Variants in MRPL37 observed in about 807,000 individuals in gnomAD.
The protein encoded by MRPL37 is large ribosomal subunit protein mL37.
A neutral mutation model predicts 44.1 loss-of-function variants in MRPL37; 34 were observed. That is an observed-to-expected ratio of 0.77 (90% CI 0.59 to 1.03). The LOEUF is 1.03. Ranked by LOEUF, MRPL37 falls within the 50% of genes least tolerant of loss-of-function variation. The pLI is 0.00. For synonymous variants in MRPL37, 212 were observed against 219.5 expected (o/e 0.97, Z 0.30); for missense variants, 532 against 543.7 (o/e 0.98, Z 0.21).
At chr1:54,219,489 C>A (rs1456992352), downstream of MRPL37, among the ~76,000 whole-genome samples, 1 of 152,186 alleles carries the variant, frequency 6.6e-6, no homozygotes, top group Non-Finnish European at 1.5e-5. Flanking sequence ...AGTGGGGAGG[C>A]CGGAGGCTTG....
In MRPL37 at chr1:54,218,351, G is replaced by C; in HGVS notation, c.*102G>C. ...AGTGCCCGTTTGGCCTGCTGCTCTC[G>C]CTGACAATAAAGAGCCCTTGCGTTG... On this transcript the variant is annotated 3_prime_UTR_variant, in exon 7 of 7. Coordinates refer to ENST00000360840, the MANE Select transcript of MRPL37 (RefSeq NM_016491.4). The C allele has an allele frequency of 6.3e-7, 1 of 1,590,144 alleles. No individual in the cohort carries two copies. Among genetic ancestry groups the C allele is most frequent in the Non-Finnish European group, 8.5e-7 (1 of 1,171,504 alleles).
At chr1:54,206,741 CT>C (rs1173804383) in intron 3 of MRPL37, among the ~76,000 whole-genome samples, 210 of 142,042 alleles carry the variant, frequency 1.5e-3, no homozygotes, top group Admixed American at 1.4e-3. Context: ...CTTTTCTTTT[CT>C]TTTTTTTTTT....
At chr1:54,200,712 G>A in intron 1 of MRPL37, 123 bp downstream of exon 1, 1 of 1,086,840 alleles carries the variant, frequency 9.2e-7, no homozygotes, top group Non-Finnish European at 1.3e-6. Flanking sequence ...CTGCGAAATG[G>A]GGCCGTAGTG....
intron 1 of MRPL37, among the ~76,000 whole-genome samples, chr1:54,203,519 G>A (rs2008281): frequency 1 from 144,361 of 144,686 alleles, 72,021 homozygotes; most frequent in Non-Finnish European, 1. Context: ...TGTTGCCCTA[G>A]CTGGAGTGCA....
rs200481103 is a variant in MRPL37 at position 54,210,017 on chromosome 1, G to A, written c.718G>A (p.Ala240Thr). The change falls in exon 4 of 7, where the codon GCC becomes ACC. Residue 240 changes from alanine to threonine, a missense_variant. Transcript: ENST00000360840. ...CACTAAGGATCCTCTGCCCACCATC[G>A]CCTCCAGAGAGGAGATTGAAGCTAC... ...LSTKDPLPTI[A>T]SREEIEATKN... The A allele has an allele frequency of 1.2e-5, 20 of 1,614,112 alleles. No homozygotes were observed. The highest frequency in any genetic ancestry group is 1.2e-4 in the Admixed American group (7 of 60,020).
intron 4 of MRPL37, 117 bp downstream of exon 4, chr1:54,210,248 A>G (rs954404055): frequency 4.6e-5 from 43 of 932,628 alleles, no homozygotes; most frequent in African/African-American, 3.0e-4. Flanking sequence ...TGTATTACCT[A>G]TCTCCTAGGA....
intron 4 of MRPL37, 51 bp downstream of exon 4, chr1:54,210,182 C>A: frequency 6.4e-7 from 1 of 1,559,558 alleles, no homozygotes; most frequent in Non-Finnish European, 8.8e-7. Flanking sequence ...GAAGGACATG[C>A]TTTTTCTGGA....
chr1:54,204,240 G>C (rs1480975713), intron 1 of MRPL37, among the ~76,000 whole-genome samples: 1 of 152,088 alleles, frequency 6.6e-6, no homozygotes, highest in Non-Finnish European at 1.5e-5. Flanking sequence ...AAAATTAGTT[G>C]GGTGCTGTGG....
chr1:54,205,105 A>G lies in MRPL37; in HGVS notation c.434A>G (p.Asn145Ser), dbSNP rs929619168. 1.9e-6 allele frequency: 3 copies of G among 1,614,064 alleles called. No homozygotes were observed. The African/African-American group carries it at 4.0e-5, about 22-fold the overall frequency. The change falls in exon 2 of 7, where the codon AAC (asparagine) becomes AGC (serine). Residue 145 changes from asparagine (N) to serine (S), a missense_variant. Transcript: ENST00000360840. ...CTTAGCCTTGTTGATGATCCAAGGA[A>G]CCACATAGAGAACCAAGACGAGTGC... The part of the protein sequence containing the change: ...KVLSLVDDPR[N>S]HIENQDECVL...
At chr1:54,224,934 G>A (rs1277818765), downstream of MRPL37, among the ~76,000 whole-genome samples, 2 of 148,748 alleles carry the variant, frequency 1.3e-5, no homozygotes, top group Non-Finnish European at 3.0e-5. Flanking sequence ...ACACCTTGGA[G>A]GTTTAGGAAA....
chr1:54,209,660 C>T (rs1016169976), intron 3 of MRPL37, among the ~76,000 whole-genome samples: 7 of 152,006 alleles, frequency 4.6e-5, no homozygotes, highest in African/African-American at 1.2e-4. Flanking sequence ...TGGGTTTCAC[C>T]GCGTTAGCCA....
intron 3 of MRPL37, among the ~76,000 whole-genome samples, chr1:54,206,360 C>G (rs950348979): frequency 2.6e-5 from 4 of 152,044 alleles, no homozygotes; most frequent in Non-Finnish European, 4.4e-5. Context: ...GATCCGCCTG[C>G]CTCGGCCTCC....
At chr1:54,220,702 TGAG>T (rs1284399454), downstream of MRPL37, 2 of 471,414 alleles carry the variant, frequency 4.2e-6, no homozygotes, top group South Asian at 3.1e-5. Flanking sequence ...CAGCGGAACT[TGAG>T]GGCCTCAGCC....
At position 54,210,352 on chromosome 1, in the gene MRPL37, C is replaced by G. The variant is rs3737833; in HGVS notation, c.832+221C>G. Among the ~76,000 whole-genome samples the G allele has an allele frequency of 0.17, 26,005 of 152,106 alleles. 2,409 individuals carry two copies. Among genetic ancestry groups the G allele is most frequent in the African/African-American group, 0.23 (9,565 of 41,488 alleles). Reference sequence around the variant, plus strand: ...GGAAGTTAAGTGATTTGCTCAAAGACTAACTTTACTTTTTACCTTGGAGAA... The same window carrying G: ...GGAAGTTAAGTGATTTGCTCAAAGAGTAACTTTACTTTTTACCTTGGAGAA... On this transcript the variant is annotated intron_variant, in intron 4 of 6. Transcript: ENST00000360840.
At chr1:54,210,284 G>A (rs1312909951) in intron 4 of MRPL37, among the ~76,000 whole-genome samples, 153 bp downstream of exon 4, 2 of 152,066 alleles carry the variant, frequency 1.3e-5, no homozygotes, top group African/African-American at 4.8e-5. Context: ...CATGAGACAA[G>A]TACTATTATC....
Sources: gnomAD v4.1 joint callset for allele counts (sites outside exome capture counted in the v4.1 genomes callset) on GRCh38, gnomAD v4.1.1 for gene constraint, MANE v1.5 for transcripts, NCBI Gene and HGNC (gene_info 2026-07-23, HGNC 2026-07-21) for gene names.